Variants in DEUP1 observed in about 807,000 individuals in gnomAD.
DEUP1 encodes coiled-coil domain containing 67.
Under a neutral mutation model 87.4 loss-of-function variants are expected in DEUP1, and 82 were observed. The observed-to-expected ratio is 0.94, with a 90% CI of 0.78 to 1.13. The LOEUF (loss-of-function observed/expected upper bound fraction) is 1.13. Among genes scored for constraint, DEUP1 ranks in the 50% most tolerant of loss-of-function variants. The probability of loss-of-function intolerance (pLI) is 0.00; values close to 1 mark genes in which losing one functional copy is unlikely to be tolerated. For synonymous variants in DEUP1, 214 were observed against 222.7 expected (o/e 0.96, Z 0.35); for missense variants, 663 against 681.5 (o/e 0.97, Z 0.30).
rs552768649 is a variant in DEUP1 at position 93,393,812 on chromosome 11, G to A, written c.1042-647G>A. Among the ~76,000 whole-genome samples, 38 of 152,274 alleles carry A rather than the reference G, an allele frequency of 2.5e-4. 1 individual carries two copies. Among genetic ancestry groups the A allele is most frequent in the Admixed American group, 8.5e-4 (13 of 15,296 alleles). Reference sequence around the variant, plus strand: ...GACTTAAAAGAGGTTGAAATAGAATGGACAGAATTCATTGCCTGACCAGGT... The same window carrying A: ...GACTTAAAAGAGGTTGAAATAGAATAGACAGAATTCATTGCCTGACCAGGT... On this transcript the variant is annotated intron_variant, in intron 9 of 13. Coordinates refer to ENST00000298050, the MANE Select transcript of DEUP1 (RefSeq NM_181645.4).
chr11:93,392,968 T>A (rs12286443), intron 9 of DEUP1, among the ~76,000 whole-genome samples: 17 of 146,072 alleles, frequency 1.2e-4, no homozygotes, highest in Admixed American at 1.4e-4. Context: ...CCTCCTCCTC[T>A]TCCTCCTCCT....
At chr11:93,388,906 C>T in intron 8 of DEUP1, 114 bp from the exon 9 acceptor site, 1 of 597,676 alleles carries the variant, frequency 1.7e-6, no homozygotes, top group Non-Finnish European at 2.9e-6. Flanking sequence ...AAAATGTTTC[C>T]AACAAAGTAA....
intron 7 of DEUP1, among the ~76,000 whole-genome samples, chr11:93,376,604 G>A (rs577923901): frequency 9.9e-5 from 15 of 151,294 alleles, no homozygotes; most frequent in African/African-American, 3.6e-4. Flanking sequence ...AATTTTTTTT[G>A]TTTCAATTTC....
intron 13 of DEUP1, among the ~76,000 whole-genome samples, chr11:93,416,556 G>C (rs1490861766): frequency 6.6e-6 from 1 of 151,542 alleles, no homozygotes; most frequent in Non-Finnish European, 1.5e-5. Flanking sequence ...CAACCAAAAA[G>C]AGTCCAGGAC....
chr11:93,374,792 AT>A (rs1945949308), intron 7 of DEUP1, among the ~76,000 whole-genome samples: 1 of 151,672 alleles, frequency 6.6e-6, no homozygotes, highest in Non-Finnish European at 1.5e-5. Context: ...AATTCTAAGA[AT>A]TTTTTTCTAA....
At chr11:93,408,173 A>C in intron 11 of DEUP1, 58 bp from the exon 12 acceptor site, 2 of 1,221,788 alleles carry the variant, frequency 1.6e-6, no homozygotes, top group Non-Finnish European at 2.2e-6. Flanking sequence ...AACACACAGA[A>C]AATATGCATT....
intron 11 of DEUP1, among the ~76,000 whole-genome samples, 200 bp from the exon 12 acceptor site, chr11:93,408,022 AATGTGTTCC>A (rs1947331494): frequency 6.6e-6 from 1 of 152,056 alleles, no homozygotes; most frequent in Non-Finnish European, 1.5e-5. Context: ...CATCATTGCA[AATGTGTTCC>A]ACAACAGCTA....
chr11:93,378,152 C>T (rs1372626905), intron 7 of DEUP1, among the ~76,000 whole-genome samples: 5 of 152,166 alleles, frequency 3.3e-5, no homozygotes, highest in Admixed American at 6.5e-5. Flanking sequence ...ATGTCTAGAT[C>T]TCTAGCAAGG....
chr11:93,376,656 T>G (rs1264169716), intron 7 of DEUP1, among the ~76,000 whole-genome samples: 1 of 152,176 alleles, frequency 6.6e-6, no homozygotes, highest in Non-Finnish European at 1.5e-5. Flanking sequence ...TTTCTTTTAT[T>G]GGGTTTGAGT....
At position 93,389,713 on chromosome 11, in the gene DEUP1, A is replaced by G. The variant is rs112925828; in HGVS notation, c.1041+588A>G. 1.5e-3 allele frequency among the ~76,000 whole-genome samples: 230 copies of G among 152,366 alleles called. 1 individual carries two copies. Among genetic ancestry groups the G allele is most frequent in the African/African-American group, 5.3e-3 (222 of 41,586 alleles). ...TAACTTTCTTCAACATTACACAGCT[A>G]TTAAGTGGCAGAGGCCATGTTTCAA... On this transcript the variant is annotated intron_variant, in intron 9 of 13. Transcript: ENST00000298050.
At chr11:93,418,831 A>C (rs1337635062) in intron 13 of DEUP1, among the ~76,000 whole-genome samples, 1 of 152,176 alleles carries the variant, frequency 6.6e-6, no homozygotes, top group African/African-American at 2.4e-5. Flanking sequence ...GCACATATAC[A>C]TCATGGAATG....
intron 9 of DEUP1, 80 bp from the exon 10 acceptor site, chr11:93,394,379 A>T: frequency 9.8e-7 from 1 of 1,023,564 alleles, no homozygotes; most frequent in Non-Finnish European, 1.4e-6. Flanking sequence ...GAATAGAAGG[A>T]CTGAACATGG....
At chr11:93,427,604 C>T (rs1947964051) in intron 13 of DEUP1, among the ~76,000 whole-genome samples, 1 of 150,700 alleles carries the variant, frequency 6.6e-6, no homozygotes, top group Non-Finnish European at 1.5e-5. Flanking sequence ...GCAATGGCAA[C>T]AAAAGCCAAA....
intron 13 of DEUP1, among the ~76,000 whole-genome samples, chr11:93,417,507 A>G (rs1368923930): frequency 3.9e-5 from 6 of 152,240 alleles, no homozygotes; most frequent in African/African-American, 1.4e-4. Context: ...AGAACTACAA[A>G]CCACTGCTCA....
intron 7 of DEUP1, chr11:93,383,427 G>C: frequency 4.3e-6 from 2 of 467,414 alleles, no homozygotes; most frequent in Admixed American, 3.7e-5. Flanking sequence ...ATTCCATAGA[G>C]ATAGAACATA....
rs140421245 is a variant in DEUP1, at chr11:93,331,664, C to A, written c.-44-552C>A. On this transcript the variant is annotated intron_variant, in intron 1 of 13. Transcript: ENST00000298050. ...GTTTTACTCATTCTCATGTACTGAG[C>A]CGTTTGCGAACAACGTAGTACAAGC... Among the ~76,000 whole-genome samples, 193 of 152,316 alleles carry A rather than the reference C, an allele frequency of 1.3e-3. 1 individual carries two copies. The highest frequency in any genetic ancestry group is 4.5e-3 in the African/African-American group (186 of 41,574).
chr11:93,359,903 G>A (rs1436535623), intron 4 of DEUP1, among the ~76,000 whole-genome samples: 1 of 152,162 alleles, frequency 6.6e-6, no homozygotes, highest in Admixed American at 6.5e-5. Context: ...ACTGAGTGGA[G>A]AGCCAGGACT....
intron 2 of DEUP1, among the ~76,000 whole-genome samples, chr11:93,335,162 CAAGAGAT>C (rs1943689973): frequency 2.6e-5 from 4 of 151,726 alleles, no homozygotes; most frequent in Admixed American, 6.6e-5. Context: ...TTCTTTGACT[CAAGAGAT>C]ATTTACAAAA....
intron 5 of DEUP1, among the ~76,000 whole-genome samples, chr11:93,369,311 C>T (rs1945587134): frequency 6.6e-6 from 1 of 152,028 alleles, no homozygotes; most frequent in Non-Finnish European, 1.5e-5. Flanking sequence ...TTGTGGGGGA[C>T]ACAAACATTC....
Sources: gnomAD v4.1 joint callset for allele counts (sites outside exome capture counted in the v4.1 genomes callset) on GRCh38, gnomAD v4.1.1 for gene constraint, MANE v1.5 for transcripts, NCBI Gene and HGNC (gene_info 2026-07-23, HGNC 2026-07-21) for gene names.